The following TMEM242 variants were observed in gnomAD, a reference collection of about 807,000 sequenced individuals.
TMEM242 encodes the protein UPF0463 transmembrane protein C6orf35.
In TMEM242, 10 loss-of-function variants were observed where a neutral mutation model predicts 18.2. The ratio of observed to expected loss-of-function variants is 0.55; its 90% CI spans 0.34 to 0.93. The LOEUF is 0.93. Ranked by LOEUF, TMEM242 falls within the 40% of genes least tolerant of loss-of-function variation. The pLI, the probability that TMEM242 is intolerant of heterozygous loss-of-function variation, is 0.02. For missense variants in TMEM242, 186 were observed against 175.5 expected (o/e 1.06, Z -0.34); for synonymous variants, 57 against 69.9 (o/e 0.81, Z 0.92).
intron 1 of TMEM242, among the ~76,000 whole-genome samples, chr6:157,323,193 T>G (rs587713885): frequency 6.6e-6 from 1 of 152,158 alleles, no homozygotes; most frequent in African/African-American, 2.4e-5. Flanking sequence ...CCCGGGAGAA[T>G]AGCTCGCGGG....
chr6:157,312,935 C>G (rs1466829014), intron 3 of TMEM242, among the ~76,000 whole-genome samples: 1 of 13,430 alleles, frequency 7.4e-5, no homozygotes, highest in Non-Finnish European at 2.0e-4. Context: ...TCATAGTGCC[C>G]CAGTGTGCGC....
At chr6:157,314,045 A>C (rs899325264) in intron 3 of TMEM242, among the ~76,000 whole-genome samples, 13 of 108,328 alleles carry the variant, frequency 1.2e-4, no homozygotes, top group Non-Finnish European at 1.8e-4. Flanking sequence ...CGGCCTCGTC[A>C]TAGTGCCGCA....
intron 3 of TMEM242, among the ~76,000 whole-genome samples, chr6:157,300,803 G>A (rs587686368): frequency 1.5e-4 from 23 of 152,294 alleles, no homozygotes; most frequent in Admixed American, 2.0e-4. Flanking sequence ...TTGATTGTGC[G>A]TCCCGAAGAA....
At position 157,312,627 on chromosome 6, in the gene TMEM242, T is replaced by G. The variant is rs1211658190; in HGVS notation, c.327+6155A>C. ...GCACTCACCTAGCCTCACCATAGTG[T>G]CGCAGTGTGCACTCACCCGGCCTCA... On this transcript the variant is annotated intron_variant, in intron 3 of 3. Coordinates refer to ENST00000400788, the MANE Select transcript of TMEM242 (RefSeq NM_018452.6). 2.7e-4 allele frequency among the ~76,000 whole-genome samples: 12 copies of G among 44,468 alleles called. 1 individual carries two copies. The highest frequency in any genetic ancestry group is 6.0e-4 in the Admixed American group (3 of 5,032). The allele number at this position is 44,468 out of a possible 152,430, so 29.2% of individuals were successfully genotyped here.
Position 157,319,054 on chromosome 6 carries a change from G to A in TMEM242, c.190-135C>T, listed in dbSNP as rs587689496. Reference sequence around the variant, plus strand: ...TAAATCAACCCAAGGTCTAATTCTGGCTTTGCTACTTAATAATTGCATGCC... The same window carrying A: ...TAAATCAACCCAAGGTCTAATTCTGACTTTGCTACTTAATAATTGCATGCC... On this transcript the variant is annotated intron_variant, in intron 2 of 3. Coordinates refer to ENST00000400788, the MANE Select transcript of TMEM242 (RefSeq NM_018452.6). The A allele has an allele frequency of 1.9e-5, 17 of 885,674 alleles. No homozygotes were observed. In the African/African-American group the frequency reaches 3.0e-4, roughly 15 times the overall value. 54.9% of individuals were successfully genotyped at this position (885,674 alleles called of 1,614,324 possible).
At chr6:157,317,239 TCTC>T (rs1186138417) in intron 3 of TMEM242, among the ~76,000 whole-genome samples, 1 of 152,122 alleles carries the variant, frequency 6.6e-6, no homozygotes, top group Non-Finnish European at 1.5e-5. Context: ...TGCCTCTGAT[TCTC>T]CTCTATTCTC....
At chr6:157,319,034 C>A in intron 2 of TMEM242, 115 bp from the exon 3 acceptor site, 1 of 1,100,428 alleles carries the variant, frequency 9.1e-7, no homozygotes, top group Non-Finnish European at 1.2e-6. Flanking sequence ...GAAGCTAAAT[C>A]AACCCAAGGT....
intron 2 of TMEM242, among the ~76,000 whole-genome samples, chr6:157,321,546 C>G (rs1379344659): frequency 1.3e-5 from 2 of 152,110 alleles, no homozygotes; most frequent in African/African-American, 4.8e-5. Flanking sequence ...GTACAAGCAT[C>G]TTAGTATCAT....
chr6:157,309,754 C>T (rs184801603), intron 3 of TMEM242, among the ~76,000 whole-genome samples: 29 of 146,744 alleles, frequency 2.0e-4, no homozygotes, highest in African/African-American at 6.6e-4. Context: ...TTCATTTATA[C>T]ATTAATTTAA....
intron 3 of TMEM242, among the ~76,000 whole-genome samples, chr6:157,311,242 C>T (rs1445416953): frequency 4.7e-4 from 51 of 107,922 alleles, no homozygotes; most frequent in Admixed American, 3.0e-3. Context: ...CATAGTGTCC[C>T]AGTGTGCGCT....
At chr6:157,312,355 A>ATAG (rs1554249230) in intron 3 of TMEM242, among the ~76,000 whole-genome samples, 42 of 10,672 alleles carry the variant, frequency 3.9e-3, no homozygotes, top group South Asian at 0.014. Flanking sequence ...TAGCCTCATC[A>ATAG]TGTCCCAGTG....
At position 157,292,122 on chromosome 6, in the gene TMEM242, G is replaced by A. The variant is rs1041543758; in HGVS notation, c.*779C>T. ...CTGGTTAAAAATATTGAAGACGGAT[G>A]ACAACTGGGCTTTTTTTACTTTGAC... is the stretch of plus-strand genomic sequence containing the variant. On this transcript the variant is annotated 3_prime_UTR_variant, in exon 4 of 4. Coordinates refer to ENST00000400788, the MANE Select transcript of TMEM242 (RefSeq NM_018452.6). 4 of 152,144 alleles carry A rather than the reference G, an allele frequency of 2.6e-5. No homozygotes were observed. The highest frequency in any genetic ancestry group is 9.7e-5 in the African/African-American group (4 of 41,440). 9.4% of individuals were successfully genotyped at this position (152,144 alleles called of 1,614,324 possible).
chr6:157,294,496 G>A (rs1554247091), intron 3 of TMEM242, among the ~76,000 whole-genome samples: 2 of 149,958 alleles, frequency 1.3e-5, no homozygotes, highest in African/African-American at 2.4e-5. Flanking sequence ...GACTACAGGC[G>A]CCCGCCACTA....
intron 3 of TMEM242, among the ~76,000 whole-genome samples, chr6:157,298,617 A>G (rs1401266759): frequency 6.6e-6 from 1 of 152,232 alleles, no homozygotes; most frequent in Non-Finnish European, 1.5e-5. Context: ...ATTATAAAAA[A>G]TACCTGTACG....
At chr6:157,308,101 C>G (rs1460924450) in intron 3 of TMEM242, among the ~76,000 whole-genome samples, 3 of 152,140 alleles carry the variant, frequency 2.0e-5, no homozygotes, top group Non-Finnish European at 2.9e-5. Context: ...AGTACATAGC[C>G]CTTAAAGTCT....
Position 157,292,129 on chromosome 6 carries a change from G to C in TMEM242, c.*772C>G, listed in dbSNP as rs1431464566. The C allele has an allele frequency of 6.6e-6, 1 of 152,090 alleles. No homozygotes were observed. Among genetic ancestry groups the C allele is most frequent in the East Asian group, 1.9e-4 (1 of 5,196 alleles). The allele number at this position is 152,090 out of a possible 1,614,324, so 9.4% of individuals were successfully genotyped here. ...AAAATATTGAAGACGGATGACAACT[G>C]GGCTTTTTTTACTTTGACAACTGAG... On this transcript the variant is annotated 3_prime_UTR_variant, in exon 4 of 4. Coordinates refer to ENST00000400788, the MANE Select transcript of TMEM242 (RefSeq NM_018452.6).
intron 3 of TMEM242, among the ~76,000 whole-genome samples, chr6:157,308,214 A>G (rs1777941871): frequency 6.6e-6 from 1 of 152,174 alleles, no homozygotes; most frequent in Non-Finnish European, 1.5e-5. Flanking sequence ...ACGCTGCTTC[A>G]TTTGAGGTGA....
At chr6:157,300,070 C>A (rs1326906502) in intron 3 of TMEM242, 3 of 737,426 alleles carry the variant, frequency 4.1e-6, no homozygotes, top group Non-Finnish European at 7.2e-6. Context: ...ACAGGAAATT[C>A]GCTCCTGCCG....
chr6:157,322,710 T>C lies in TMEM242; in HGVS notation c.184A>G (p.Asn62Asp), dbSNP rs782708916. The C allele has an allele frequency of 1.2e-6, 2 of 1,612,280 alleles. No homozygotes were observed. Among genetic ancestry groups the C allele is most frequent in the South Asian group, 2.2e-5 (2 of 90,654 alleles). Residue 62 changes from asparagine (N) to aspartate (D), a missense_variant, in exon 2 of 4, where the codon AAT (asparagine) becomes GAT (aspartate). Transcript: ENST00000400788. ...LAKKKSPEWF[N>D]KGSMATAALP... ...TGGATTTCAGTGTCACCAACCTTAT[T>C]GAACCATTCAGGGCTTTTCTTTTTA...
Sources: gnomAD v4.1 joint callset for allele counts (sites outside exome capture counted in the v4.1 genomes callset) on GRCh38, gnomAD v4.1.1 for gene constraint, MANE v1.5 for transcripts, NCBI Gene and HGNC (gene_info 2026-07-23, HGNC 2026-07-21) for gene names.